The following ARPC1A variants were observed in gnomAD, a reference collection of about 807,000 sequenced individuals.
ARPC1A encodes actin-related protein 2/3 complex subunit 1A.
Under a neutral mutation model 46.9 loss-of-function variants are expected in ARPC1A, and 8 were observed. The observed-to-expected ratio is 0.17, with a 90% CI of 0.10 to 0.31. The LOEUF (loss-of-function observed/expected upper bound fraction) is 0.31, where lower values mean the gene tolerates loss of function less well. Ranked by LOEUF, ARPC1A falls within the 10% of genes least tolerant of loss-of-function variation. The pLI, the probability that ARPC1A is intolerant of heterozygous loss-of-function variation, is 1.00. For synonymous variants in ARPC1A, 152 were observed against 169.0 expected (o/e 0.90, Z 0.78); for missense variants, 286 against 483.6 (o/e 0.59, Z 3.83).
chr7:99,328,176 C>T (rs990470790), intron 1 of ARPC1A, among the ~76,000 whole-genome samples: 8 of 152,118 alleles, frequency 5.3e-5, no homozygotes, highest in African/African-American at 1.9e-4. Flanking sequence ...TTGAGACCAG[C>T]CTGACCAACA....
At chr7:99,364,866 G>A (rs1037013908) in intron 9 of ARPC1A, among the ~76,000 whole-genome samples, 3 of 152,268 alleles carry the variant, frequency 2.0e-5, no homozygotes, top group African/African-American at 7.2e-5. Flanking sequence ...GGTGGATACG[G>A]GGGCTGGGTA....
intron 4 of ARPC1A, among the ~76,000 whole-genome samples, chr7:99,345,845 T>C (rs535911691): frequency 6.6e-6 from 1 of 152,226 alleles, no homozygotes; most frequent in East Asian, 1.9e-4. Flanking sequence ...AGAAGGGGAT[T>C]ATCATGTTAC....
intron 1 of ARPC1A, among the ~76,000 whole-genome samples, chr7:99,327,454 G>T (rs933084945): frequency 2.6e-5 from 4 of 151,558 alleles, no homozygotes; most frequent in Non-Finnish European, 5.9e-5. Flanking sequence ...GTGACTACAG[G>T]CATGAGCCAC....
intron 1 of ARPC1A, 150 bp from the exon 2 acceptor site, chr7:99,333,175 G>A (rs550598473): frequency 8.2e-5 from 49 of 595,676 alleles, no homozygotes; most frequent in Admixed American, 3.1e-4. Flanking sequence ...TATTACAAGC[G>A]TGAGCCACCG....
intron 6 of ARPC1A, among the ~76,000 whole-genome samples, chr7:99,354,727 G>A (rs1258010537): frequency 6.6e-6 from 1 of 151,172 alleles, no homozygotes; most frequent in African/African-American, 2.4e-5. Flanking sequence ...GCTCACACCT[G>A]TAATCCCAGT....
chr7:99,356,464 G>T (rs1252944528), intron 6 of ARPC1A, among the ~76,000 whole-genome samples: 1 of 151,894 alleles, frequency 6.6e-6, no homozygotes, highest in South Asian at 2.1e-4. Context: ...AATTAGCCAG[G>T]TGTGGTGGCA....
Position 99,361,249 on chromosome 7 carries a change from T to C in ARPC1A, c.983+1511T>C, listed in dbSNP as rs546023968. 2.0e-5 allele frequency among the ~76,000 whole-genome samples: 3 copies of C among 152,176 alleles called. No individual in the cohort carries two copies. The East Asian group carries it at 5.8e-4, about 29-fold the overall frequency. ...CTGGCACCATGTCTCACACCTGTAA[T>C]GCTAGCGTTTTGGGAAGCCAAGGCA... On this transcript the variant is annotated intron_variant, in intron 8 of 9. Coordinates refer to ENST00000262942, the MANE Select transcript of ARPC1A (RefSeq NM_006409.4).
chr7:99,340,382 C>T (rs936971655), intron 3 of ARPC1A, among the ~76,000 whole-genome samples: 10 of 152,160 alleles, frequency 6.6e-5, no homozygotes, highest in Non-Finnish European at 5.9e-5. Context: ...AGGCTGGTCT[C>T]AAGCTCCTGA....
chr7:99,338,636 G>A (rs1049182586), intron 3 of ARPC1A, among the ~76,000 whole-genome samples: 6 of 151,694 alleles, frequency 4.0e-5, no homozygotes, highest in East Asian at 1.9e-4. Context: ...CTCCTGCCTC[G>A]GCCTCCCAAT....
Position 99,339,219 on chromosome 7 carries a change from T to A in ARPC1A, c.169+934T>A, listed in dbSNP as rs940880759. ...ATAATTTGCTATGACACCATTCCAG[T>A]CCATTTTTAATACATTTACATACAT... On this transcript the variant is annotated intron_variant, in intron 3 of 9. Transcript: ENST00000262942. Among the ~76,000 whole-genome samples the A allele has an allele frequency of 3.9e-5, 6 of 152,128 alleles. No homozygotes were observed. The South Asian group carries it at 1.0e-3, about 26-fold the overall frequency.
At chr7:99,335,313 C>G (rs1169549380) in intron 2 of ARPC1A, 1 of 372,640 alleles carries the variant, frequency 2.7e-6, no homozygotes, top group African/African-American at 2.2e-5. Context: ...CGAGTTTTTC[C>G]TGCACCTTTT....
chr7:99,353,901 T>G lies in ARPC1A; in HGVS notation c.501-8T>G. The G allele has an allele frequency of 6.2e-6, 10 of 1,613,608 alleles. No individual in the cohort carries two copies. The highest frequency in any genetic ancestry group is 8.5e-6 in the Non-Finnish European group (10 of 1,179,552). The stretch of plus-strand genomic sequence containing the variant: ...TGCTTTTTCCTTTTCTCTCTGCCCT[T>G]TAAACAGAGTGTTTTCTGCCTACAT... On this transcript the variant is annotated splice_region_variant and splice_polypyrimidine_tract_variant and intron_variant, in intron 5 of 9. Transcript: ENST00000262942.
intron 6 of ARPC1A, among the ~76,000 whole-genome samples, chr7:99,356,299 A>AT (rs954577210): frequency 6.6e-6 from 1 of 152,138 alleles, no homozygotes; most frequent in African/African-American, 2.4e-5. Context: ...AGTTTTACAT[A>AT]TTTTTTTAAA....
rs1793594119 is a variant in ARPC1A at position 99,354,199 on chromosome 7, C to T, written c.713+78C>T. 2.7e-6 allele frequency: 4 copies of T among 1,505,802 alleles called. No individual in the cohort carries two copies. The African/African-American group carries it at 4.1e-5, about 16-fold the overall frequency. The allele number at this position is 1,505,802 out of a possible 1,614,324, so 93.3% of individuals were successfully genotyped here. On this transcript the variant is annotated intron_variant, in intron 6 of 9. Coordinates refer to ENST00000262942, the MANE Select transcript of ARPC1A (RefSeq NM_006409.4). ...ACCAGCTGAACCAGGACTGCCCTTCCTGGGGTGTTAGCACAGGGCACAAAC... is the reference window on the plus strand; with the variant it reads ...ACCAGCTGAACCAGGACTGCCCTTCTTGGGGTGTTAGCACAGGGCACAAAC...
intron 5 of ARPC1A, among the ~76,000 whole-genome samples, chr7:99,350,631 CT>C (rs540737612): frequency 4.9e-3 from 330 of 67,442 alleles, no homozygotes; most frequent in Middle Eastern, 0.03. Flanking sequence ...ATGAGGTGCA[CT>C]TTTTTTTTTT....
chr7:99,354,551 T>C (rs552026553), intron 6 of ARPC1A, among the ~76,000 whole-genome samples: 192 of 138,690 alleles, frequency 1.4e-3, no homozygotes, highest in Middle Eastern at 0.012. Context: ...AACACCTCAA[T>C]GAAAACTGCA....
At chr7:99,340,982 C>T (rs1451691382) in intron 3 of ARPC1A, among the ~76,000 whole-genome samples, 2 of 152,176 alleles carry the variant, frequency 1.3e-5, no homozygotes, top group African/African-American at 2.4e-5. Context: ...CCAGTGGCCT[C>T]ATAGCCTAAG....
At chr7:99,358,737 T>C in intron 7 of ARPC1A, 1 of 250,870 alleles carries the variant, frequency 4.0e-6, no homozygotes, top group South Asian at 4.3e-5. Context: ...ACGGGGTTTC[T>C]CCATGTTGGT....
In ARPC1A at chr7:99,358,354, A is replaced by G; in HGVS notation, c.728A>G (p.Lys243Arg). 2 of 1,614,058 alleles carry G rather than the reference A, an allele frequency of 1.2e-6. No homozygotes were observed. Among genetic ancestry groups the G allele is most frequent in the South Asian group, 1.1e-5 (1 of 91,080 alleles). Residue 243 changes from lysine to arginine, a missense_variant, in exon 7 of 10, where the codon AAG (lysine) becomes AGG (arginine). Lys to Arg is a conservative substitution (Grantham distance 26). This residue lies in a region of ARPC1A where 182 missense variants were observed against 276.7 expected (regional missense o/e 0.66). Transcript: ENST00000262942. ...ASKSVQVSTL[K>R]TEFLPLLSVS... is the part of the protein sequence containing the mutation. ...CTTGTGTTCAGGGTCTCGACTCTGA[A>G]GACAGAGTTCCTGCCGCTCCTAAGT...
Sources: gnomAD v4.1 joint callset for allele counts (sites outside exome capture counted in the v4.1 genomes callset) on GRCh38, gnomAD v4.1.1 for gene constraint, gnomAD v4.1.1 regional missense constraint, MANE v1.5 for transcripts, NCBI Gene and HGNC (gene_info 2026-07-23, HGNC 2026-07-21) for gene names.